The following FAAP20 variants were observed in gnomAD, a reference collection of about 807,000 sequenced individuals.
FAAP20 encodes the protein Fanconi anemia core complex-associated protein 20.
A neutral mutation model predicts 16.2 loss-of-function variants in FAAP20; 12 were observed. The observed-to-expected ratio is 0.74, with a 90% confidence interval of 0.48 to 1.20. The LOEUF (loss-of-function observed/expected upper bound fraction) is 1.20, where lower values mean the gene tolerates loss of function less well. FAAP20 is among the 50% of genes most tolerant of loss of function. The pLI is 0.00. For synonymous variants in FAAP20, 141 were observed against 110.7 expected, an observed-to-expected ratio of 1.27 and a Z score of -1.72; for missense variants, 288 against 245.8, an observed-to-expected ratio of 1.17 and a Z score of -1.15.
At chr1:2,210,368 C>T (rs1403726706), downstream of FAAP20, among the ~76,000 whole-genome samples, 1 of 152,196 alleles carries the variant, frequency 6.6e-6, no homozygotes, top group Non-Finnish European at 1.5e-5. Context: ...GTGGCTGTGA[C>T]CTTCACCCAG....
upstream of FAAP20, chr1:2,199,372 C>T: frequency 9.8e-7 from 1 of 1,021,740 alleles, no homozygotes; most frequent in Non-Finnish European, 1.2e-6. The surrounding 1 kb of genome is among the most constrained non-coding windows in gnomAD (Gnocchi z 4.5). Flanking sequence ...CTCTGACGTC[C>T]CCCCGCCCGG....
downstream of FAAP20, chr1:2,187,303 CTTTTT>C: frequency 1.8e-5 from 6 of 341,338 alleles, no homozygotes; most frequent in Non-Finnish European, 2.4e-5. Flanking sequence ...TTTTCTTTTT[CTTTTT>C]TTTTTCTTTT....
At position 2,193,995 on chromosome 1, in the gene FAAP20, C is replaced by T; in HGVS notation, c.198+3G>A. 1 of 1,612,764 alleles carries T rather than the reference C, an allele frequency of 6.2e-7. No individual in the cohort carries two copies. Among genetic ancestry groups the T allele is most frequent in the Non-Finnish European group, 8.5e-7 (1 of 1,179,934 alleles). On this transcript the variant is annotated splice_donor_region_variant and intron_variant, in intron 2 of 3. Transcript: ENST00000378546. ...ATCGCTAAGATGGGCCCAGTGGGCA[C>T]ACCTGTCCTGGGAAGGCGGGCAGTG...
upstream of FAAP20, chr1:2,199,023 T>C (rs1031828790): frequency 8.0e-7 from 1 of 1,249,152 alleles, no homozygotes; most frequent in Middle Eastern, 2.2e-4. The surrounding 1 kb of genome is among the most constrained non-coding windows in gnomAD (Gnocchi z 4.5). Flanking sequence ...TTGGTGCCCT[T>C]GGGCACCGAC....
At chr1:2,195,163 T>C (rs1484063264), upstream of FAAP20, among the ~76,000 whole-genome samples, 1 of 152,178 alleles carries the variant, frequency 6.6e-6, no homozygotes, top group Non-Finnish European at 1.5e-5. Flanking sequence ...AAATAAAGCT[T>C]GAAATCCGCC....
rs761815273 is a variant in FAAP20, at chr1:2,193,855, A to G, written c.254T>C (p.Phe85Ser). The change falls in exon 3 of 4, where the codon TTT becomes TCT. Residue 85 changes from phenylalanine (F) to serine (S), a missense_variant. Transcript: ENST00000378546. ...GTCCGGCGGAAAGGGTGTCCAGGAAAAGGTCTTGGGTCCGACAGTGAAGAC... is the reference window on the plus strand; with the variant it reads ...GTCCGGCGGAAAGGGTGTCCAGGAAGAGGTCTTGGGTCCGACAGTGAAGAC... Reference protein sequence around the residue: ...TEVFTVGPKTFSWTPFPPDLW... With the variant: ...TEVFTVGPKTSSWTPFPPDLW... The G allele has an allele frequency of 6.2e-7, 1 of 1,612,266 alleles. No homozygotes were observed. Among genetic ancestry groups the G allele is most frequent in the Non-Finnish European group, 8.5e-7 (1 of 1,179,790 alleles).
chr1:2,207,303 G>A (rs554891263), downstream of FAAP20, among the ~76,000 whole-genome samples: 6 of 152,268 alleles, frequency 3.9e-5, no homozygotes, highest in Middle Eastern at 6.8e-3. Context: ...CCCACCCTTC[G>A]CCGGCCTTCT....
downstream of FAAP20, chr1:2,185,149 G>A (rs906500487): frequency 1.6e-5 from 13 of 833,798 alleles, no homozygotes; most frequent in East Asian, 8.0e-5. Flanking sequence ...AGAGGGAAGC[G>A]TCAGCGGGCG....
At chr1:2,191,985 C>T (rs1027079926) in intron 3 of FAAP20, 6 of 985,384 alleles carry the variant, frequency 6.1e-6, no homozygotes, top group African/African-American at 5.2e-5. Flanking sequence ...CTGGGTGACC[C>T]GGAGAACACC....
downstream of FAAP20, chr1:2,186,135 T>C: frequency 2.2e-6 from 1 of 449,928 alleles, no homozygotes; most frequent in South Asian, 1.6e-5. Context: ...CTCATGCCTC[T>C]GAGTGAGGCC....
upstream of FAAP20, among the ~76,000 whole-genome samples, chr1:2,197,074 G>A (rs1688856979): frequency 6.6e-6 from 1 of 152,154 alleles, no homozygotes; most frequent in Non-Finnish European, 1.5e-5. Flanking sequence ...GCCTCTGGAT[G>A]GGCTCCGAGC....
At chr1:2,198,359 G>A, upstream of FAAP20, 1 of 401,276 alleles carries the variant, frequency 2.5e-6, no homozygotes, top group East Asian at 7.7e-5. Flanking sequence ...CTTACCCTCT[G>A]TGGCAAAAAA....
At chr1:2,203,530 G>T (rs909601951), upstream of FAAP20, 9 of 985,704 alleles carry the variant, frequency 9.1e-6, 1 homozygote, top group Admixed American at 4.3e-4. Context: ...GACAGGGAAG[G>T]TAGGCAGCTC....
At chr1:2,185,934 C>T (rs760715192), downstream of FAAP20, 8 of 337,082 alleles carry the variant, frequency 2.4e-5, no homozygotes, top group Admixed American at 1.3e-4. Flanking sequence ...CACCCAGAAA[C>T]ACAGGCACTC....
downstream of FAAP20, chr1:2,184,572 GT>G (rs761527109): frequency 6.2e-7 from 1 of 1,611,730 alleles, no homozygotes; most frequent in East Asian, 2.2e-5. Context: ...TTCTCCTATT[GT>G]TTTTCCAAGC....
Position 2,193,738 on chromosome 1 carries a change from G to A in FAAP20, c.371C>T (p.Pro124Leu). The A allele has an allele frequency of 1.3e-6, 2 of 1,590,966 alleles. No homozygotes were observed. ...CACCCTGGGGGCCCTGCAGGGATCAGGTGCCGGGCGCTGGGGCAGGGACCT... is the reference window on the plus strand; with the variant it reads ...CACCCTGGGGGCCCTGCAGGGATCAAGTGCCGGGCGCTGGGGCAGGGACCT... ...PARSLPQRPAPDPCRAPRVEQ... is the reference protein window; with the variant it reads ...PARSLPQRPALDPCRAPRVEQ... Residue 124 changes from proline (P) to leucine (L), a missense_variant, in exon 3 of 4, where the codon CCT becomes CTT. Pro to Leu is a moderately conservative substitution (Grantham distance 98). Coordinates refer to ENST00000378546, the MANE Select transcript of FAAP20 (RefSeq NM_182533.4).
chr1:2,185,426 C>T (rs915417323), downstream of FAAP20: 5 of 718,640 alleles, frequency 7.0e-6, no homozygotes, highest in Admixed American at 6.0e-5. Context: ...CCGTGAGTGG[C>T]GCCTGCCCCA....
At position 2,191,614 on chromosome 1, in the gene FAAP20, G is replaced by A. The variant is rs545779653; in HGVS notation, c.471-1833C>T. 13 of 155,894 alleles carry A rather than the reference G, an allele frequency of 8.3e-5. No individual in the cohort carries two copies. The East Asian group carries it at 1.7e-3, about 21-fold the overall frequency. 9.7% of individuals were successfully genotyped at this position (155,894 alleles called of 1,614,324 possible). A position where few individuals can be genotyped will look rare whatever the true frequency, so the allele number is the denominator to read the frequency against. On this transcript the variant is annotated intron_variant, in intron 3 of 3. Coordinates refer to ENST00000378546, the MANE Select transcript of FAAP20 (RefSeq NM_182533.4). ...ACAAAAATTAGCCAGGTGTGGTGAC[G>A]CCTGTAATCCCAGCTACTCAGGAGA... is the stretch of plus-strand genomic sequence containing the variant.
chr1:2,189,923 G>C (rs947931378), intron 3 of FAAP20, 142 bp from the exon 4 acceptor site: 10 of 700,384 alleles, frequency 1.4e-5, no homozygotes, highest in South Asian at 1.4e-4. Flanking sequence ...GGCCACCCCA[G>C]GGGCTCATGC....
Sources: allele counts gnomAD v4.1 joint callset (sites outside exome capture counted in the v4.1 genomes callset), GRCh38; gene constraint gnomAD v4.1.1; non-coding constraint Gnocchi (gnomAD v3.1); transcripts MANE v1.5; gene names NCBI Gene and HGNC (gene_info 2026-07-23, HGNC 2026-07-21).